PRKCB: variants seen among roughly 807,000 people sequenced by gnomAD.
PRKCB encodes the protein protein kinase C beta.
Under a neutral mutation model 81.5 loss-of-function variants are expected in PRKCB, and 13 were observed. The observed-to-expected ratio is 0.16, with a 90% confidence interval of 0.10 to 0.25. The LOEUF (loss-of-function observed/expected upper bound fraction) is 0.25. Among genes scored for constraint, PRKCB ranks in the 10% least tolerant of loss-of-function variants. The pLI is 1.00. For synonymous variants in PRKCB, 335 were observed against 321.4 expected, an observed-to-expected ratio of 1.04 and a Z score of -0.45; for missense variants, 509 against 875.7, an observed-to-expected ratio of 0.58 and a Z score of 5.29.
chr16:23,999,731 A>G (rs1965007263), intron 3 of PRKCB, among the ~76,000 whole-genome samples: 1 of 152,230 alleles, frequency 6.6e-6, no homozygotes, highest in Non-Finnish European at 1.5e-5. Flanking sequence ...AATACTGACC[A>G]CATACACAGC....
chr16:24,160,192 T>C (rs1363378346), intron 10 of PRKCB, among the ~76,000 whole-genome samples: 9 of 7,752 alleles, frequency 1.2e-3, no homozygotes, highest in Non-Finnish European at 1.5e-3. Flanking sequence ...CTTTGGGTGT[T>C]TTTTTTTTTT....
Position 23,999,054 on chromosome 16 carries a change from C to T in PRKCB, c.288+10464C>T, listed in dbSNP as rs911358484. ...TTGGCACCAAGGATGATGAATTGGT[C>T]CAGACACCTGAACTGGCTTGACTCA... On this transcript the variant is annotated intron_variant, in intron 3 of 16. Transcript: ENST00000643927. Among the ~76,000 whole-genome samples the T allele has an allele frequency of 2.6e-5, 4 of 152,350 alleles. No individual in the cohort carries two copies. In the East Asian group the frequency reaches 7.7e-4, roughly 29 times the overall value.
intron 2 of PRKCB, among the ~76,000 whole-genome samples, chr16:23,845,033 C>T (rs1962344026): frequency 6.6e-6 from 1 of 152,112 alleles, no homozygotes; most frequent in South Asian, 2.1e-4. Context: ...AACTCCTGAC[C>T]TCAAGTGATC....
At chr16:23,985,229 T>C (rs1287277502) in intron 2 of PRKCB, among the ~76,000 whole-genome samples, 1 of 152,092 alleles carries the variant, frequency 6.6e-6, no homozygotes, top group East Asian at 1.9e-4. Context: ...TACCTGGGAC[T>C]ACTACAGGCA....
chr16:24,136,419 C>T (rs1464533574), intron 9 of PRKCB, among the ~76,000 whole-genome samples: 1 of 152,122 alleles, frequency 6.6e-6, no homozygotes, highest in Non-Finnish European at 1.5e-5. Context: ...TCTCAAGACA[C>T]CCAGAGGCAA....
At chr16:24,144,379 A>T (rs1285510955) in intron 9 of PRKCB, among the ~76,000 whole-genome samples, 1 of 152,054 alleles carries the variant, frequency 6.6e-6, no homozygotes, top group African/African-American at 2.4e-5. Context: ...GCTCACTGCA[A>T]CCTCCACCTC....
intron 2 of PRKCB, among the ~76,000 whole-genome samples, chr16:23,876,071 T>A (rs888725489): frequency 6.6e-5 from 10 of 152,176 alleles, no homozygotes; most frequent in Admixed American, 2.6e-4. Flanking sequence ...CCTTTAAGGT[T>A]GACATATATT....
At chr16:23,989,438 C>A (rs888749819) in intron 3 of PRKCB, among the ~76,000 whole-genome samples, 2 of 152,140 alleles carry the variant, frequency 1.3e-5, no homozygotes, top group African/African-American at 4.8e-5. Context: ...ATGAATTTAT[C>A]CTGCTACCAT....
chr16:24,150,478 G>A (rs895713658), intron 9 of PRKCB, among the ~76,000 whole-genome samples: 4 of 152,198 alleles, frequency 2.6e-5, no homozygotes, highest in Non-Finnish European at 4.4e-5. Flanking sequence ...CTCAGGTTGA[G>A]GAACTTACCT....
At chr16:24,202,004 C>T (rs151242688) in intron 16 of PRKCB, among the ~76,000 whole-genome samples, 4,901 of 150,554 alleles carry the variant, frequency 0.033, 239 homozygotes, top group African/African-American at 0.11. Context: ...CCACTGCAGT[C>T]CAGCCTGGGC....
intron 5 of PRKCB, among the ~76,000 whole-genome samples, chr16:24,062,542 G>C (rs1965986720): frequency 6.6e-6 from 1 of 152,208 alleles, no homozygotes; most frequent in Admixed American, 6.5e-5. Context: ...GGGGTTTGTA[G>C]GCAAGGAAGA....
chr16:24,213,081 C>T (rs571088300), intron 16 of PRKCB, among the ~76,000 whole-genome samples: 90 of 151,876 alleles, frequency 5.9e-4, no homozygotes, highest in Admixed American at 1.4e-3. Flanking sequence ...GTCACCCAGG[C>T]TGGAGTGCAG....
chr16:24,018,054 A>T (rs551627309), intron 3 of PRKCB, among the ~76,000 whole-genome samples: 2 of 151,874 alleles, frequency 1.3e-5, no homozygotes, highest in Non-Finnish European at 2.9e-5. Flanking sequence ...GCCCGCCACC[A>T]CGCCCAGCTA....
At chr16:24,130,422 G>C (rs778193378) in intron 9 of PRKCB, among the ~76,000 whole-genome samples, 8 of 152,130 alleles carry the variant, frequency 5.3e-5, no homozygotes, top group Non-Finnish European at 1.0e-4. Flanking sequence ...GCAAAGAGGG[G>C]AAATAGTAAA....
intron 2 of PRKCB, among the ~76,000 whole-genome samples, chr16:23,959,544 A>G (rs1001899809): frequency 6.6e-6 from 1 of 152,254 alleles, no homozygotes; most frequent in East Asian, 1.9e-4. Context: ...GCCTCGCAGG[A>G]AAGCCTTCTT....
At chr16:23,974,740 GA>G (rs902069020) in intron 2 of PRKCB, among the ~76,000 whole-genome samples, 143 of 149,160 alleles carry the variant, frequency 9.6e-4, no homozygotes, top group Non-Finnish European at 1.2e-3. Context: ...TTATCTAAAG[GA>G]AAAAAAAAAC....
At position 24,058,580 on chromosome 16, in the gene PRKCB, C is replaced by T. The variant is rs548763995; in HGVS notation, c.529+23033C>T. Among the ~76,000 whole-genome samples, 3 of 152,154 alleles carry T rather than the reference C, an allele frequency of 2.0e-5. No homozygotes were observed. The South Asian group carries it at 6.2e-4, about 32-fold the overall frequency. On this transcript the variant is annotated intron_variant, in intron 5 of 16. Transcript: ENST00000643927. ...TTGTAGCTATGAAGTCTGATTAATG[C>T]CTGAATCAGACATTGAATGACCTGA... is the stretch of plus-strand genomic sequence containing the variant.
chr16:24,010,530 G>A (rs1198541274), intron 3 of PRKCB, among the ~76,000 whole-genome samples: 1 of 152,200 alleles, frequency 6.6e-6, no homozygotes, highest in East Asian at 1.9e-4. Flanking sequence ...TTGGAGAGTA[G>A]AGAGTGTGCA....
chr16:23,854,002 G>A (rs1294546839), intron 2 of PRKCB, among the ~76,000 whole-genome samples: 1 of 84,104 alleles, frequency 1.2e-5, no homozygotes, highest in Non-Finnish European at 2.9e-5. Context: ...GCAAGAGAGC[G>A]TGCACAGGGG....
Sources: allele counts gnomAD v4.1 joint callset (sites outside exome capture counted in the v4.1 genomes callset), GRCh38; gene constraint gnomAD v4.1.1; transcripts MANE v1.5; gene names NCBI Gene and HGNC (gene_info 2026-07-23, HGNC 2026-07-21).